The following RABGAP1L variants were observed in gnomAD, a reference collection of about 807,000 sequenced individuals.
RABGAP1L encodes the protein RAB GTPase activating protein 1 like, also known as rab GTPase-activating protein 1-like.
Under a neutral mutation model 137.7 loss-of-function variants are expected in RABGAP1L, and 63 were observed. The observed-to-expected ratio is 0.46, with a 90% CI of 0.37 to 0.56. The LOEUF (loss-of-function observed/expected upper bound fraction) is 0.56, where lower values mean the gene tolerates loss of function less well. Ranked by LOEUF, RABGAP1L falls within the 20% of genes least tolerant of loss-of-function variation. RABGAP1L has a pLI of 0.00. For missense variants in RABGAP1L, 1,095 were observed against 1,244.0 expected, an observed-to-expected ratio of 0.88 and a Z score of 1.80; for synonymous variants, 431 against 433.7, an observed-to-expected ratio of 0.99 and a Z score of 0.08.
At chr1:174,507,467 A>C (rs1165996588) in intron 13 of RABGAP1L, among the ~76,000 whole-genome samples, 1 of 152,176 alleles carries the variant, frequency 6.6e-6, no homozygotes, top group African/African-American at 2.4e-5. Flanking sequence ...TATTCCCTAT[A>C]GTATCAATTT....
intron 7 of RABGAP1L, among the ~76,000 whole-genome samples, chr1:174,268,960 C>T (rs1674313364): frequency 6.6e-6 from 1 of 151,914 alleles, no homozygotes; most frequent in Admixed American, 6.6e-5. Flanking sequence ...CGGAGTCTTG[C>T]TCTGTTGCCC....
intron 1 of RABGAP1L, among the ~76,000 whole-genome samples, chr1:174,167,317 G>T (rs1224638836): frequency 2.0e-5 from 3 of 152,146 alleles, no homozygotes; most frequent in Admixed American, 1.3e-4. Flanking sequence ...AAAGTATAAT[G>T]ATGGTGCCCT....
At chr1:174,941,030 A>G (rs1665776418) in intron 19 of RABGAP1L, among the ~76,000 whole-genome samples, 1 of 152,026 alleles carries the variant, frequency 6.6e-6, no homozygotes, top group Non-Finnish European at 1.5e-5. Context: ...TCCTCACCCA[A>G]ACAGAACTGC....
At chr1:174,749,057 C>A (rs1419415886) in intron 17 of RABGAP1L, among the ~76,000 whole-genome samples, 4 of 151,084 alleles carry the variant, frequency 2.6e-5, no homozygotes, top group African/African-American at 9.7e-5. Context: ...GAGCCTGTAG[C>A]CCCAGCTACA....
At chr1:174,552,287 T>G (rs1666597719) in intron 13 of RABGAP1L, among the ~76,000 whole-genome samples, 1 of 152,084 alleles carries the variant, frequency 6.6e-6, no homozygotes, top group Non-Finnish European at 1.5e-5. Flanking sequence ...CTAGTATTCA[T>G]TAGTTGTCTT....
chr1:174,376,893 A>T (rs1685594013), intron 12 of RABGAP1L, among the ~76,000 whole-genome samples: 1 of 152,200 alleles, frequency 6.6e-6, no homozygotes, highest in African/African-American at 2.4e-5. Context: ...ACAAGATTGG[A>T]AAGAAAAATA....
chr1:174,895,500 T>C (rs1656992764), intron 19 of RABGAP1L, among the ~76,000 whole-genome samples: 2 of 152,066 alleles, frequency 1.3e-5, no homozygotes, highest in Admixed American at 6.6e-5. Context: ...CGTGCAGGTT[T>C]GTTACATATG....
intron 19 of RABGAP1L, among the ~76,000 whole-genome samples, chr1:174,948,169 A>G (rs1218270354): frequency 6.6e-6 from 1 of 152,220 alleles, no homozygotes; most frequent in African/African-American, 2.4e-5. Context: ...CGTGTATGAT[A>G]GCGCAGCAGG....
At chr1:174,878,862 A>G (rs1220611796) in intron 19 of RABGAP1L, among the ~76,000 whole-genome samples, 1 of 151,052 alleles carries the variant, frequency 6.6e-6, no homozygotes, top group African/African-American at 2.4e-5. Flanking sequence ...AAAAATTTGA[A>G]TTTGACCACT....
chr1:174,732,202 A>C (rs113097359), intron 17 of RABGAP1L, among the ~76,000 whole-genome samples: 1,106 of 56,740 alleles, frequency 0.019, 5 homozygotes, highest in African/African-American at 0.081. Flanking sequence ...CATCCCCCCC[A>C]AAAAAAAAAA....
intron 19 of RABGAP1L, among the ~76,000 whole-genome samples, chr1:174,914,890 A>G (rs1272794591): frequency 6.6e-6 from 1 of 152,334 alleles, no homozygotes; most frequent in East Asian, 1.9e-4. Context: ...GTATGTATAA[A>G]TGGAACCATA....
At chr1:174,270,970 G>T (rs1674513223) in intron 7 of RABGAP1L, among the ~76,000 whole-genome samples, 1 of 152,032 alleles carries the variant, frequency 6.6e-6, no homozygotes, top group South Asian at 2.1e-4. Context: ...TTCTTCCTTA[G>T]CAAGAATTTA....
intron 11 of RABGAP1L, among the ~76,000 whole-genome samples, chr1:174,351,787 G>GTTTT (rs199734880): frequency 6.7e-6 from 1 of 149,798 alleles, no homozygotes; most frequent in African/African-American, 2.5e-5. Context: ...TTCTCTGTGT[G>GTTTT]TTTTTTTTGT....
chr1:174,604,245 C>A (rs1670618551), intron 13 of RABGAP1L, among the ~76,000 whole-genome samples: 1 of 152,188 alleles, frequency 6.6e-6, no homozygotes, highest in Non-Finnish European at 1.5e-5. Flanking sequence ...TGATTCCCCT[C>A]TGGCTGTGAC....
chr1:174,622,003 A>G lies in RABGAP1L; in HGVS notation c.1711-15372A>G, dbSNP rs552046594. Among the ~76,000 whole-genome samples the G allele has an allele frequency of 4.9e-5, 7 of 142,598 alleles. No individual in the cohort carries two copies. The East Asian group carries it at 5.8e-4, about 12-fold the overall frequency. The allele number at this position is 142,598 out of a possible 152,430, so 93.5% of individuals were successfully genotyped here. Reference sequence around the variant, plus strand: ...ATCTACAATGAACTCTAACAAATCTACAAACAAAAAGCAAACAACCCCATC... The same window carrying G: ...ATCTACAATGAACTCTAACAAATCTGCAAACAAAAAGCAAACAACCCCATC... On this transcript the variant is annotated intron_variant, in intron 13 of 25. Transcript: ENST00000681986.
In RABGAP1L at chr1:174,332,160, T is replaced by G. The variant is rs373702474; in HGVS notation, c.1465+27033T>G. ...GGCACCCAGTTTTCTCATTTGGTTATTTAAGTGAGCCTAAACAAGTTGTCA... is the reference window on the plus strand; with the variant it reads ...GGCACCCAGTTTTCTCATTTGGTTAGTTAAGTGAGCCTAAACAAGTTGTCA... On this transcript the variant is annotated intron_variant, in intron 11 of 25. Coordinates refer to ENST00000681986, the MANE Select transcript of RABGAP1L (RefSeq NM_001366446.1). Among the ~76,000 whole-genome samples, 22 of 152,290 alleles carry G rather than the reference T, an allele frequency of 1.4e-4. No individual in the cohort carries two copies. In the South Asian group the frequency reaches 3.9e-3, roughly 27 times the overall value.
chr1:174,587,763 C>T (rs1485944846), intron 13 of RABGAP1L, among the ~76,000 whole-genome samples: 2 of 151,566 alleles, frequency 1.3e-5, no homozygotes, highest in African/African-American at 2.4e-5. Context: ...TACAGGCATG[C>T]AATGCATGAC....
intron 13 of RABGAP1L, among the ~76,000 whole-genome samples, chr1:174,455,335 GTTTTA>G (rs995079848): frequency 1.8e-4 from 27 of 152,134 alleles, no homozygotes; most frequent in African/African-American, 5.8e-4. Context: ...TTTGACCCCA[GTTTTA>G]TTTTATTTTC....
chr1:174,552,404 A>G lies in RABGAP1L; in HGVS notation c.1711-84971A>G, dbSNP rs113957024. On this transcript the variant is annotated intron_variant, in intron 13 of 25. Transcript: ENST00000681986. ...TGCTCTCATCATTTAGCTCCCACTT[A>G]TAAGTGAGAACATGTGGTATTTGGT... is the stretch of plus-strand genomic sequence containing the variant. Among the ~76,000 whole-genome samples, 810 of 152,180 alleles carry G rather than the reference A, an allele frequency of 5.3e-3. 9 individuals are homozygous for G. Among genetic ancestry groups the G allele is most frequent in the African/African-American group, 0.018 (761 of 41,478 alleles).
Sources: gnomAD v4.1 joint callset for allele counts (sites outside exome capture counted in the v4.1 genomes callset) on GRCh38, gnomAD v4.1.1 for gene constraint, MANE v1.5 for transcripts, NCBI Gene and HGNC (gene_info 2026-07-23, HGNC 2026-07-21) for gene names.